Variants in ESPL1 observed in about 807,000 individuals in gnomAD.
The protein encoded by ESPL1 is extra spindle pole bodies like 1, separase.
In ESPL1, 50 loss-of-function variants were observed where a neutral mutation model predicts 217.2. The ratio of observed to expected loss-of-function variants is 0.23; its 90% CI spans 0.18 to 0.29. The LOEUF is 0.29. ESPL1 is among the 10% of genes least tolerant of loss of function. ESPL1 has a pLI of 1.00. For missense variants in ESPL1, 1,834 were observed against 2,603.0 expected (o/e 0.70, Z 6.43); for synonymous variants, 994 against 1,081.3 (o/e 0.92, Z 1.58).
Position 53,288,355 on chromosome 12 carries a change from G to A in ESPL1, c.4546+14G>A. 4 of 1,583,146 alleles carry A rather than the reference G, an allele frequency of 2.5e-6. No individual in the cohort carries two copies. The highest frequency in any genetic ancestry group is 3.4e-6 in the Non-Finnish European group (4 of 1,164,882). On this transcript the variant is annotated intron_variant, in intron 19 of 30. Transcript: ENST00000257934. ...ACTCAGCCTCAGGTAGGACAGCAAG[G>A]GTGAGGTGGAAGGTGCATGTTTTGG...
At chr12:53,273,924 C>A (rs113682675) in intron 6 of ESPL1, among the ~76,000 whole-genome samples, 1,354 of 122,840 alleles carry the variant, frequency 0.011, 18 homozygotes, top group African/African-American at 0.038. Context: ...GGCACGATCT[C>A]GGCTCACTGC....
intron 12 of ESPL1, among the ~76,000 whole-genome samples, chr12:53,281,297 C>T (rs1943857829): frequency 6.6e-6 from 1 of 151,930 alleles, no homozygotes; most frequent in African/African-American, 2.4e-5. Flanking sequence ...GCCACCACAC[C>T]TGGCTAATTT....
chr12:53,269,434 A>G lies in ESPL1; in HGVS notation c.492A>G (p.Ala164=), dbSNP rs534485173. 1.9e-6 allele frequency: 3 copies of G among 1,613,976 alleles called. No individual in the cohort carries two copies. The highest frequency in any genetic ancestry group is 1.7e-4 in the Middle Eastern group (1 of 6,058). ...AAGCCCTGTTGGAACGGCGAGCTGC[A>G]TTTGCAGCTCGGCTGAAGGCCTTGA... ...GAEALLERRA[A]FAARLKALSF... The change falls in exon 3 of 31, where the codon GCA becomes GCG. Residue 164 remains alanine (A), a synonymous_variant. Transcript: ENST00000257934. This position sits in a 1 kb window ranked among gnomAD's most constrained non-coding sequence, Gnocchi z 6.7.
rs1409301576 is a variant in ESPL1, at chr12:53,293,629, A to C, written c.*155A>C. ...TTTAACCTCAGTATAATAAAGATACATCATTTAAACCCTGTTTTGCGTAGT... is the reference window on the plus strand; with the variant it reads ...TTTAACCTCAGTATAATAAAGATACCTCATTTAAACCCTGTTTTGCGTAGT... On this transcript the variant is annotated 3_prime_UTR_variant, in exon 31 of 31. Coordinates refer to ENST00000257934, the MANE Select transcript of ESPL1 (RefSeq NM_012291.5). This position sits in a 1 kb window ranked among gnomAD's most constrained non-coding sequence, Gnocchi z 4.2. The C allele has an allele frequency of 9.5e-6, 6 of 632,332 alleles. No homozygotes were observed. The African/African-American group carries it at 1.1e-4, about 12-fold the overall frequency. 39.2% of individuals were successfully genotyped at this position (632,332 alleles called of 1,614,324 possible).
Position 53,292,494 on chromosome 12 carries a change from T to C in ESPL1, c.5913-80T>C, listed in dbSNP as rs1226533476. 7.1e-7 allele frequency: 1 copy of C among 1,402,378 alleles called. No individual in the cohort carries two copies. Among genetic ancestry groups the C allele is most frequent in the Non-Finnish European group, 1.0e-6 (1 of 988,166 alleles). The allele number at this position is 1,402,378 out of a possible 1,614,324, so 86.9% of individuals were successfully genotyped here. A position where few individuals can be genotyped will look rare whatever the true frequency, so the allele number is the denominator to read the frequency against. ...AACAGCTGTTGCAGCCCACCTTCTA[T>C]CTAATGATCCCTCTGCTGTCTTTGC... is the stretch of plus-strand genomic sequence containing the variant. On this transcript the variant is annotated intron_variant, in intron 28 of 30. Coordinates refer to ENST00000257934, the MANE Select transcript of ESPL1 (RefSeq NM_012291.5). This position sits in a 1 kb window ranked among gnomAD's most constrained non-coding sequence, Gnocchi z 4.5.
In ESPL1 at chr12:53,281,558, G is replaced by A; in HGVS notation, c.2551G>A (p.Asp851Asn). ...SSLKHLDQTT[D>N]TYLLLSLTCD... ...CCTGAAGCATCTCGATCAGACTACTGACACATACCTGCTCCTTTCCCTGAC... is the reference window on the plus strand; with the variant it reads ...CCTGAAGCATCTCGATCAGACTACTAACACATACCTGCTCCTTTCCCTGAC... The change falls in exon 13 of 31, where the codon GAC becomes AAC. Residue 851 changes from aspartate (D) to asparagine (N), a missense_variant. By Grantham distance (23) the Asp-to-Asn change is conservative. Around this residue, in one of 5 missense-constraint regions of ESPL1, gnomAD observed 746 missense variants for 1,077.0 expected, o/e 0.69. Transcript: ENST00000257934. 2 of 1,613,780 alleles carry A rather than the reference G, an allele frequency of 1.2e-6. No individual in the cohort carries two copies. The highest frequency in any genetic ancestry group is 1.7e-6 in the Non-Finnish European group (2 of 1,179,714).
At chr12:53,268,927 A>G (rs757131290) in intron 2 of ESPL1, 80 bp downstream of exon 2, 1 of 1,483,168 alleles carries the variant, frequency 6.7e-7, no homozygotes, top group East Asian at 2.3e-5. Flanking sequence ...AGAGATGGAT[A>G]AGTAGGCGAC....
At chr12:53,291,581 A>C (rs1280381041) in intron 25 of ESPL1, 109 bp from the exon 26 acceptor site, 2 of 1,212,752 alleles carry the variant, frequency 1.6e-6, no homozygotes, top group Non-Finnish European at 2.3e-6. Context: ...ACAGAGCAAG[A>C]CTCTGTCAAA....
rs770283218 is a variant in ESPL1, at chr12:53,278,900, C to G, written c.2365-832C>G. On this transcript the variant is annotated intron_variant, in intron 11 of 30. Coordinates refer to ENST00000257934, the MANE Select transcript of ESPL1 (RefSeq NM_012291.5). ...CGCACCCAGCTTTCCGCCCCGCCCC[C>G]CCGCCGAGATAGAGTCTTGCTCTGT... 1.2e-4 allele frequency among the ~76,000 whole-genome samples: 18 copies of G among 151,092 alleles called. 2 individuals carry two copies. Among genetic ancestry groups the G allele is most frequent in the Admixed American group, 2.0e-4 (3 of 15,100 alleles).
intron 26 of ESPL1, 45 bp from the exon 27 acceptor site, chr12:53,291,939 A>G (rs1172256810): frequency 1.2e-6 from 2 of 1,607,290 alleles, no homozygotes; most frequent in East Asian, 2.2e-5. Flanking sequence ...TGACTTCTGC[A>G]TATACCTGGC....
In ESPL1 at chr12:53,269,146, T is replaced by G; in HGVS notation, c.204T>G (p.Pro68=). The change falls in exon 3 of 31, where the codon CCT becomes CCG. Residue 68 remains proline (P), a synonymous_variant. Transcript: ENST00000257934. This position sits in a 1 kb window ranked among gnomAD's most constrained non-coding sequence, Gnocchi z 6.7. The part of the protein sequence containing the change: ...NQQLTAKLAC[P]RHLGSLLELA... Reference sequence around the variant, plus strand: ...AGCTGACTGCTAAGCTAGCTTGCCCTAGGCATCTGGGGAGCCTGCTGGAGC... The same window carrying G: ...AGCTGACTGCTAAGCTAGCTTGCCCGAGGCATCTGGGGAGCCTGCTGGAGC... The G allele has an allele frequency of 6.2e-7, 1 of 1,614,228 alleles. No homozygotes were observed. Among genetic ancestry groups the G allele is most frequent in the Non-Finnish European group, 8.5e-7 (1 of 1,180,046 alleles).
intron 6 of ESPL1, chr12:53,274,603 C>T: frequency 3.9e-6 from 2 of 512,164 alleles, no homozygotes; most frequent in Admixed American, 3.7e-5. Flanking sequence ...GGATGATGAA[C>T]ATAGGGGTGG....
At position 53,290,876 on chromosome 12, in the gene ESPL1, C is replaced by G; in HGVS notation, c.5400C>G (p.Gly1800=). Residue 1800 remains glycine (G), a synonymous_variant, in exon 25 of 31, where the codon GGC becomes GGG. Coordinates refer to ENST00000257934, the MANE Select transcript of ESPL1 (RefSeq NM_012291.5). ...LIASLEKSVL[G]CWKGLLLPSS... is the part of the protein sequence containing the mutation. ...CTTCCCTAGAGAAGTCTGTGCTGGG[C>G]TGCTGGAAGGGGCTGCTGCTGCCGT... The G allele has an allele frequency of 6.2e-7, 1 of 1,609,686 alleles. No individual in the cohort carries two copies. Among genetic ancestry groups the G allele is most frequent in the Non-Finnish European group, 8.5e-7 (1 of 1,178,246 alleles).
Position 53,269,012 on chromosome 12 carries a change from C to G in ESPL1, c.82-12C>G, listed in dbSNP as rs763155697. 1.2e-6 allele frequency: 2 copies of G among 1,602,548 alleles called. No individual in the cohort carries two copies. Among genetic ancestry groups the G allele is most frequent in the Non-Finnish European group, 1.7e-6 (2 of 1,172,028 alleles). On this transcript the variant is annotated splice_polypyrimidine_tract_variant and intron_variant, in intron 2 of 30. Coordinates refer to ENST00000257934, the MANE Select transcript of ESPL1 (RefSeq NM_012291.5). The surrounding 1 kb of genome is among the most constrained non-coding windows in gnomAD (Gnocchi z 6.7). Reference sequence around the variant, plus strand: ...CTTTGCTAGCCCCATTCATATCTTTCTCTACTCCTAGGAGTTCCTGTCCAA... The same window carrying G: ...CTTTGCTAGCCCCATTCATATCTTTGTCTACTCCTAGGAGTTCCTGTCCAA...
chr12:53,281,042 G>A (rs1472166255), intron 12 of ESPL1, among the ~76,000 whole-genome samples: 1 of 150,704 alleles, frequency 6.6e-6, no homozygotes, highest in Non-Finnish European at 1.5e-5. Context: ...TTTAGAGAGT[G>A]AATCAATAAC....
intron 5 of ESPL1, among the ~76,000 whole-genome samples, chr12:53,271,128 A>G (rs1233661230): frequency 3.3e-5 from 5 of 150,132 alleles, no homozygotes; most frequent in Admixed American, 3.3e-4. Context: ...TTCACTTATC[A>G]GAATCCAGAA....
chr12:53,282,215 G>T lies in ESPL1; in HGVS notation c.2620-49G>T. 1 of 1,547,132 alleles carries T rather than the reference G, an allele frequency of 6.5e-7. No homozygotes were observed. The highest frequency in any genetic ancestry group is 8.9e-7 in the Non-Finnish European group (1 of 1,120,668). ...TAATCTCCAGGGCCTCTCAAGCTCT[G>T]GAGTGCCTGACTGCCTTACTGCCTC... is the stretch of plus-strand genomic sequence containing the variant. On this transcript the variant is annotated intron_variant, in intron 13 of 30. Coordinates refer to ENST00000257934, the MANE Select transcript of ESPL1 (RefSeq NM_012291.5). This position sits in a 1 kb window ranked among gnomAD's most constrained non-coding sequence, Gnocchi z 4.0.
chr12:53,274,834 G>C lies in ESPL1; in HGVS notation c.1524G>C (p.Arg508=), dbSNP rs1313752339. The change falls in exon 7 of 31, where the codon CGG becomes CGC. Residue 508 remains arginine (R), a synonymous_variant. Transcript: ENST00000257934. ...VPPEKLHRCF[R]LQVESLKKLG... is the part of the protein sequence containing the mutation. ...CTGGTCAGTTGCACAGGTGCTTCCGGCTACAAGTAGAGAGTTTGAAGAAAC... is the reference window on the plus strand; with the variant it reads ...CTGGTCAGTTGCACAGGTGCTTCCGCCTACAAGTAGAGAGTTTGAAGAAAC... The C allele has an allele frequency of 5.6e-6, 9 of 1,614,012 alleles. No individual in the cohort carries two copies. Among genetic ancestry groups the C allele is most frequent in the Non-Finnish European group, 7.6e-6 (9 of 1,179,958 alleles).
chr12:53,273,832 T>G (rs1026111759), intron 6 of ESPL1, among the ~76,000 whole-genome samples: 3 of 144,980 alleles, frequency 2.1e-5, no homozygotes, highest in African/African-American at 7.8e-5. Context: ...TTCTTGGTTT[T>G]TTGGTTTTTT....
Sources: gnomAD v4.1 joint callset for allele counts (sites outside exome capture counted in the v4.1 genomes callset) on GRCh38, gnomAD v4.1.1 for gene constraint, gnomAD v4.1.1 regional missense constraint, Gnocchi (gnomAD v3.1) non-coding constraint, MANE v1.5 for transcripts, NCBI Gene and HGNC (gene_info 2026-07-23, HGNC 2026-07-21) for gene names.